DNAH11: variants seen among roughly 807,000 people sequenced by gnomAD.
The protein encoded by DNAH11 is axonemal beta dynein heavy chain 11.
In DNAH11, 442 loss-of-function variants were observed where a neutral mutation model predicts 526.0. The ratio of observed to expected loss-of-function variants is 0.84; its 90% CI spans 0.78 to 0.91. The LOEUF (loss-of-function observed/expected upper bound fraction) is 0.91, where lower values mean the gene tolerates loss of function less well. DNAH11 is among the 40% of genes least tolerant of loss of function. DNAH11 has a pLI of 0.00. For synonymous variants in DNAH11, 2,461 were observed against 1,935.9 expected, an observed-to-expected ratio of 1.27 and a Z score of -7.12; for missense variants, 6,989 against 5,448.7, an observed-to-expected ratio of 1.28 and a Z score of -8.90.
intron 8 of DNAH11, among the ~76,000 whole-genome samples, chr7:21,574,536 TTCCCTCCC>T (rs200040070): frequency 2.4e-3 from 367 of 150,536 alleles, no homozygotes; most frequent in African/African-American, 8.8e-3. Flanking sequence ...TACTTTTGTT[TTCCCTCCC>T]TCCCTCCCTC....
chr7:21,765,376 C>A (rs1787129162), intron 54 of DNAH11, 52 bp from the exon 55 acceptor site: 3 of 1,609,952 alleles, frequency 1.9e-6, no homozygotes, highest in Admixed American at 3.3e-5. Context: ...CAATGTAATT[C>A]TCTGCTCATT....
intron 8 of DNAH11, among the ~76,000 whole-genome samples, chr7:21,572,550 G>A (rs76040320): frequency 0.042 from 6,366 of 152,254 alleles, 205 homozygotes; most frequent in Admixed American, 0.077. Context: ...TGCAGTTCTA[G>A]GATAAAAATA....
At chr7:21,834,171 C>G (rs1374176594) in intron 65 of DNAH11, among the ~76,000 whole-genome samples, 1 of 152,022 alleles carries the variant, frequency 6.6e-6, no homozygotes, top group African/African-American at 2.4e-5. Flanking sequence ...GTGACCACAA[C>G]AGAATAAAAC....
intron 30 of DNAH11, among the ~76,000 whole-genome samples, chr7:21,675,996 A>T (rs1782866527): frequency 6.6e-6 from 1 of 152,036 alleles, no homozygotes; most frequent in Non-Finnish European, 1.5e-5. Flanking sequence ...AGGGAAGATG[A>T]CTCCCGGAAC....
intron 2 of DNAH11, among the ~76,000 whole-genome samples, chr7:21,550,094 G>A (rs1782962061): frequency 1.3e-5 from 2 of 151,682 alleles, no homozygotes; most frequent in South Asian, 4.2e-4. Context: ...AACTTGAAGG[G>A]TTCCTTAGGT....
At chr7:21,887,975 G>T (rs1410332783) in intron 76 of DNAH11, among the ~76,000 whole-genome samples, 8 of 152,004 alleles carry the variant, frequency 5.3e-5, no homozygotes, top group Admixed American at 3.9e-4. Context: ...TGCAGCACAG[G>T]TCACCAAAAC....
chr7:21,598,225 C>G (rs540298994), intron 14 of DNAH11, among the ~76,000 whole-genome samples: 1 of 152,308 alleles, frequency 6.6e-6, no homozygotes, highest in Non-Finnish European at 1.5e-5. Context: ...ATTCCAATGT[C>G]TCTTTTGCTC....
intron 63 of DNAH11, among the ~76,000 whole-genome samples, chr7:21,810,162 A>T (rs1789450305): frequency 6.6e-6 from 1 of 152,238 alleles, no homozygotes; most frequent in Non-Finnish European, 1.5e-5. Context: ...TAAATTTGAA[A>T]ATTCAAACCC....
chr7:21,678,480 G>C (rs1026441684), intron 30 of DNAH11, among the ~76,000 whole-genome samples: 2 of 152,050 alleles, frequency 1.3e-5, no homozygotes, highest in African/African-American at 4.8e-5. Context: ...TTGAAATCAA[G>C]AGATGTGATG....
chr7:21,599,106 T>C (rs962039025), intron 14 of DNAH11, among the ~76,000 whole-genome samples: 1 of 152,220 alleles, frequency 6.6e-6, no homozygotes, highest in Non-Finnish European at 1.5e-5. Context: ...TATCCAGTGA[T>C]GGGATTGCTG....
intron 34 of DNAH11, 135 bp downstream of exon 34, chr7:21,687,662 G>T: frequency 8.7e-7 from 1 of 1,148,566 alleles, no homozygotes; most frequent in South Asian, 1.8e-5. Context: ...TCGATTTGGG[G>T]GAATTATTTT....
intron 39 of DNAH11, among the ~76,000 whole-genome samples, chr7:21,706,555 G>A (rs1784270310): frequency 6.6e-6 from 1 of 152,140 alleles, no homozygotes; most frequent in South Asian, 2.1e-4. Flanking sequence ...GTTAGAGTAA[G>A]TTACAGATGT....
At chr7:21,674,409 G>A (rs1418622525) in intron 30 of DNAH11, among the ~76,000 whole-genome samples, 2 of 151,998 alleles carry the variant, frequency 1.3e-5, no homozygotes, top group African/African-American at 4.8e-5. Context: ...CACCCAGGCT[G>A]GAGTGCAGTG....
chr7:21,856,582 C>A (rs60866249), intron 68 of DNAH11, among the ~76,000 whole-genome samples: 14,717 of 152,098 alleles, frequency 0.097, 2,066 homozygotes, highest in African/African-American at 0.3. Flanking sequence ...TAAACTCCTC[C>A]AGAAAATGTT....
intron 44 of DNAH11, among the ~76,000 whole-genome samples, chr7:21,723,517 T>C (rs1385987349): frequency 1.3e-5 from 2 of 152,214 alleles, no homozygotes; most frequent in Non-Finnish European, 2.9e-5. Context: ...GGCTTTCTAT[T>C]TCTGCATTTA....
At chr7:21,663,602 GT>G (rs1418059597) in intron 30 of DNAH11, among the ~76,000 whole-genome samples, 1 of 151,864 alleles carries the variant, frequency 6.6e-6, no homozygotes, top group Admixed American at 6.6e-5. Context: ...ATGTCCTTTG[GT>G]TTTTGTATAA....
chr7:21,833,456 G>A (rs1477992062), intron 65 of DNAH11, among the ~76,000 whole-genome samples: 1 of 152,146 alleles, frequency 6.6e-6, no homozygotes, highest in Non-Finnish European at 1.5e-5. Context: ...ACTTTGGGAA[G>A]CCAAAGTGGA....
At chr7:21,714,489 T>C (rs1302256472) in intron 42 of DNAH11, among the ~76,000 whole-genome samples, 1 of 152,204 alleles carries the variant, frequency 6.6e-6, no homozygotes, top group Non-Finnish European at 1.5e-5. Flanking sequence ...ATTGGAGACT[T>C]TAACATCTTA....
intron 66 of DNAH11, among the ~76,000 whole-genome samples, chr7:21,850,589 G>T: frequency 7.1e-6 from 1 of 141,730 alleles, no homozygotes; most frequent in African/African-American, 2.6e-5. Context: ...TTGTCCTGAG[G>T]TTTGCGTTCT....
Sources: allele counts gnomAD v4.1 joint callset (sites outside exome capture counted in the v4.1 genomes callset), GRCh38; gene constraint gnomAD v4.1.1; transcripts MANE v1.5; gene names NCBI Gene and HGNC (gene_info 2026-07-23, HGNC 2026-07-21).